PDS5B: variants seen among roughly 807,000 people sequenced by gnomAD.
PDS5B encodes sister chromatid cohesion protein PDS5 homolog B.
In PDS5B, 51 loss-of-function variants were observed where a neutral mutation model predicts 184.1. That is an observed-to-expected ratio of 0.28 (90% CI 0.22 to 0.35). The LOEUF is 0.35. PDS5B is among the 10% of genes least tolerant of loss of function. The probability of loss-of-function intolerance (pLI) is 1.00; values close to 1 mark genes in which losing one functional copy is unlikely to be tolerated. For missense variants in PDS5B, 1,180 were observed against 1,723.3 expected (o/e 0.68, Z 5.58); for synonymous variants, 566 against 569.2 (o/e 0.99, Z 0.08).
chr13:32,635,526 T>C (rs1406346966), intron 1 of PDS5B, among the ~76,000 whole-genome samples: 1 of 150,176 alleles, frequency 6.7e-6, no homozygotes, highest in Non-Finnish European at 1.5e-5. Context: ...GTATTTTTAG[T>C]AGAGATGGGG....
chr13:32,602,559 A>C (rs982837545), intron 1 of PDS5B, among the ~76,000 whole-genome samples: 7 of 152,156 alleles, frequency 4.6e-5, no homozygotes, highest in African/African-American at 1.7e-4. Flanking sequence ...ATAAACATAC[A>C]TGTGCATGTG....
intron 7 of PDS5B, among the ~76,000 whole-genome samples, chr13:32,669,440 A>G (rs1011644060): frequency 2.0e-5 from 3 of 152,148 alleles, no homozygotes; most frequent in Non-Finnish European, 4.4e-5. Context: ...AAAACCCACA[A>G]TAAATGATGA....
At chr13:32,730,430 C>G (rs550085327) in intron 19 of PDS5B, among the ~76,000 whole-genome samples, 9 of 152,198 alleles carry the variant, frequency 5.9e-5, no homozygotes, top group African/African-American at 2.2e-4. Flanking sequence ...GCTATATGGG[C>G]TCTTTTTTGG....
Position 32,770,721 on chromosome 13 carries a change from C to G in PDS5B, c.4132C>G (p.Pro1378Ala), listed in dbSNP as rs763437464. The part of the protein sequence containing the change: ...QSTPQKGRGR[P>A]SKTPSPSQPK... The stretch of plus-strand genomic sequence containing the variant: ...CACACCACAGAAAGGACGAGGAAGA[C>G]CATCAAAAACGCCATCACCATCACA... The change falls in exon 33 of 35, where the codon CCA becomes GCA. Residue 1378 changes from proline to alanine, a missense_variant. Transcript: ENST00000315596. 6.2e-7 allele frequency: 1 copy of G among 1,609,830 alleles called. No individual in the cohort carries two copies. Among genetic ancestry groups the G allele is most frequent in the Non-Finnish European group, 8.5e-7 (1 of 1,177,964 alleles).
chr13:32,657,403 C>T (rs1163248048), intron 3 of PDS5B, among the ~76,000 whole-genome samples: 1 of 152,154 alleles, frequency 6.6e-6, no homozygotes, highest in Non-Finnish European at 1.5e-5. Flanking sequence ...CTTCTGTTTT[C>T]TGTTTGCTTG....
At position 32,666,287 on chromosome 13, in the gene PDS5B, A is replaced by G. The variant is rs539618173; in HGVS notation, c.625-1477A>G. On this transcript the variant is annotated intron_variant, in intron 6 of 34. Coordinates refer to ENST00000315596, the MANE Select transcript of PDS5B (RefSeq NM_015032.4). ...GAGACGGGGTTTTGCCATGTTGACC[A>G]GGCTTGGTCTCGCACTCCTGGCCTC... Among the ~76,000 whole-genome samples, 24 of 152,236 alleles carry G rather than the reference A, an allele frequency of 1.6e-4. No individual in the cohort carries two copies. In the East Asian group the frequency reaches 4.6e-3, roughly 29 times the overall value.
chr13:32,755,490 T>C (rs1954141920), intron 25 of PDS5B, among the ~76,000 whole-genome samples: 1 of 152,104 alleles, frequency 6.6e-6, no homozygotes, highest in Non-Finnish European at 1.5e-5. Flanking sequence ...ATAGGAAAAA[T>C]AGATGTTTTT....
intron 1 of PDS5B, among the ~76,000 whole-genome samples, chr13:32,608,316 A>T (rs1404196247): frequency 6.6e-6 from 1 of 152,084 alleles, no homozygotes; most frequent in Non-Finnish European, 1.5e-5. Flanking sequence ...AGTTGCAAAA[A>T]TTTAGTTGGG....
At position 32,687,166 on chromosome 13, in the gene PDS5B, T is replaced by C; in HGVS notation, c.1236T>C (p.Leu412=). Reference sequence around the variant, plus strand: ...TACGCAAAGAAGCCATGATGGGACTTGCCCAAATTTATAAGAAATATGCTT... The same window carrying C: ...TACGCAAAGAAGCCATGATGGGACTCGCCCAAATTTATAAGAAATATGCTT... ...WRVRKEAMMG[L]AQIYKKYALQ... The change falls in exon 12 of 35, where the codon CTT becomes CTC. Residue 412 remains leucine (L), a synonymous_variant. Coordinates refer to ENST00000315596, the MANE Select transcript of PDS5B (RefSeq NM_015032.4). The C allele has an allele frequency of 6.2e-7, 1 of 1,606,690 alleles. No homozygotes were observed. Among genetic ancestry groups the C allele is most frequent in the South Asian group, 1.1e-5 (1 of 88,978 alleles).
At chr13:32,690,300 A>G (rs1470194325) in intron 13 of PDS5B, 1 of 152,204 alleles carries the variant, frequency 6.6e-6, no homozygotes, top group Non-Finnish European at 1.5e-5. Context: ...CAGGGCTGGA[A>G]TGTCTCCAGG....
At chr13:32,715,649 C>T (rs952903516) in intron 19 of PDS5B, among the ~76,000 whole-genome samples, 9 of 150,864 alleles carry the variant, frequency 6.0e-5, no homozygotes, top group African/African-American at 2.0e-4. Context: ...CTCCCTATCC[C>T]TCTCCCTCTC....
At chr13:32,637,005 G>A (rs2140602387) in intron 1 of PDS5B, among the ~76,000 whole-genome samples, 1 of 152,306 alleles carries the variant, frequency 6.6e-6, no homozygotes, top group Non-Finnish European at 1.5e-5. Context: ...TCTTGGTTTA[G>A]TGTCTTCAAG....
At chr13:32,729,972 G>C (rs527399258) in intron 19 of PDS5B, among the ~76,000 whole-genome samples, 4 of 152,174 alleles carry the variant, frequency 2.6e-5, no homozygotes, top group African/African-American at 9.6e-5. Flanking sequence ...GTCAATTTTG[G>C]CTTTTGTTGC....
Position 32,594,067 on chromosome 13 carries a change from A to G in PDS5B, c.-20+7474A>G, listed in dbSNP as rs150276792. ...CCCCGATTTGATCATTACACATTGT[A>G]TATGTTGAAGTATCACCATGTAACC... On this transcript the variant is annotated intron_variant, in intron 1 of 34. Coordinates refer to ENST00000315596, the MANE Select transcript of PDS5B (RefSeq NM_015032.4). 4.7e-3 allele frequency among the ~76,000 whole-genome samples: 717 copies of G among 152,364 alleles called. 5 individuals carry two copies. The highest frequency in any genetic ancestry group is 0.014 in the Middle Eastern group (4 of 294).
intron 24 of PDS5B, among the ~76,000 whole-genome samples, chr13:32,752,826 C>T (rs1361097991): frequency 1.3e-5 from 2 of 152,032 alleles, no homozygotes; most frequent in Non-Finnish European, 2.9e-5. Flanking sequence ...CAGAGTTGTG[C>T]TTTTTATTTC....
At position 32,651,888 on chromosome 13, in the gene PDS5B, T is replaced by A; in HGVS notation, c.193T>A (p.Ser65Thr). The change falls in exon 3 of 35, where the codon TCA (serine) becomes ACA (threonine). Residue 65 changes from serine (S) to threonine (T), a missense_variant. Around this residue, in one of 11 missense-constraint regions of PDS5B, gnomAD observed 22 missense variants for 79.3 expected, o/e 0.28. Coordinates refer to ENST00000315596, the MANE Select transcript of PDS5B (RefSeq NM_015032.4). ...TTTAAACCTAGCTTTACATCTTGCT[T>A]CAGATTTTTTTCTCAAGCATCCTGA... ...LYLNLALHLA[S>T]DFFLKHPDKD... The A allele has an allele frequency of 6.2e-7, 1 of 1,613,198 alleles. No homozygotes were observed. Among genetic ancestry groups the A allele is most frequent in the Non-Finnish European group, 8.5e-7 (1 of 1,179,182 alleles).
At chr13:32,623,505 T>G (rs952947784) in intron 1 of PDS5B, among the ~76,000 whole-genome samples, 2 of 134,520 alleles carry the variant, frequency 1.5e-5, no homozygotes, top group African/African-American at 2.7e-5. Context: ...CTTTAAACTA[T>G]AAACATAGTA....
chr13:32,690,863 ATATT>A lies in PDS5B; in HGVS notation c.1469+2297_1469+2300del, dbSNP rs1951528167. On this transcript the variant is annotated intron_variant, in intron 13 of 34. Transcript: ENST00000315596. The stretch of plus-strand genomic sequence containing the variant: ...GGATATTTATTTGTTTTAAGATAAA[ATATT>A]TAGGGTACATATATATCATTTTTTA... 3 of 152,206 alleles carry A rather than the reference ATATT, an allele frequency of 2.0e-5. No individual in the cohort carries two copies. The South Asian group carries it at 6.2e-4, about 32-fold the overall frequency. 9.4% of individuals were successfully genotyped at this position (152,206 alleles called of 1,614,324 possible).
At chr13:32,750,223 A>G (rs943920780) in intron 24 of PDS5B, among the ~76,000 whole-genome samples, 1 of 152,204 alleles carries the variant, frequency 6.6e-6, no homozygotes, top group African/African-American at 2.4e-5. Flanking sequence ...TGATGCTTCA[A>G]GGATTGACAT....
Sources: gnomAD v4.1 joint callset for allele counts (sites outside exome capture counted in the v4.1 genomes callset) on GRCh38, gnomAD v4.1.1 for gene constraint, gnomAD v4.1.1 regional missense constraint, MANE v1.5 for transcripts, NCBI Gene and HGNC (gene_info 2026-07-23, HGNC 2026-07-21) for gene names.